The following NYAP2 variants were observed in gnomAD, a reference collection of about 807,000 sequenced individuals.
The protein encoded by NYAP2 is neuronal tyrosine-phosphorylated phosphoinositide-3-kinase adaptor 2.
In NYAP2, 23 loss-of-function variants were observed where a neutral mutation model predicts 50.4. That is an observed-to-expected ratio of 0.46 (90% CI 0.33 to 0.65). The LOEUF (loss-of-function observed/expected upper bound fraction) is 0.65. NYAP2 is among the 30% of genes least tolerant of loss of function. The pLI, the probability that NYAP2 is intolerant of heterozygous loss-of-function variation, is 0.02. For synonymous variants in NYAP2, 394 were observed against 365.2 expected, an observed-to-expected ratio of 1.08 and a Z score of -0.90; for missense variants, 885 against 861.0, an observed-to-expected ratio of 1.03 and a Z score of -0.35.
At chr2:225,539,747 G>C (rs1295618204) in intron 4 of NYAP2, among the ~76,000 whole-genome samples, 2 of 151,712 alleles carry the variant, frequency 1.3e-5, no homozygotes, top group Non-Finnish European at 2.9e-5. Context: ...CTGGATATTA[G>C]TCCTTTGTCA....
chr2:225,442,618 C>T (rs1689488631), intron 3 of NYAP2, among the ~76,000 whole-genome samples: 1 of 151,904 alleles, frequency 6.6e-6, no homozygotes, highest in Non-Finnish European at 1.5e-5. Context: ...GTCTATTGCC[C>T]AGGCTGGAGT....
chr2:225,668,485 T>C, the NYAP2 span, among the ~76,000 whole-genome samples: 2 of 152,188 alleles, frequency 1.3e-5, no homozygotes, highest in African/African-American at 4.8e-5. Flanking sequence ...ATTGAGTATA[T>C]TATGTTTCTT....
At chr2:225,500,772 G>T (rs1293398456) in intron 3 of NYAP2, among the ~76,000 whole-genome samples, 2 of 152,110 alleles carry the variant, frequency 1.3e-5, no homozygotes, top group Non-Finnish European at 2.9e-5. Flanking sequence ...CTGCTAGAAG[G>T]TCAATGAATA....
intron 4 of NYAP2, among the ~76,000 whole-genome samples, chr2:225,535,285 A>G (rs142448341): frequency 2.6e-5 from 4 of 152,300 alleles, no homozygotes; most frequent in African/African-American, 7.2e-5. Context: ...CCCAGAAGAA[A>G]ATGTTTGAAG....
At chr2:225,446,246 C>CTGTCTCTCTCTATATATATA (rs1239402824) in intron 3 of NYAP2, among the ~76,000 whole-genome samples, 1 of 82,282 alleles carries the variant, frequency 1.2e-5, no homozygotes, top group Non-Finnish European at 2.1e-5. Context: ...CTCTCTCTCT[C>CTGTCTCTCTCTATATATATA]TATATATATA....
At chr2:225,600,515 A>G (rs1433043954) in intron 5 of NYAP2, among the ~76,000 whole-genome samples, 45 of 152,288 alleles carry the variant, frequency 3.0e-4, no homozygotes, top group Non-Finnish European at 2.9e-5. Flanking sequence ...TCAACTATAA[A>G]CTAAGTTCCT....
intron 2 of NYAP2, among the ~76,000 whole-genome samples, chr2:225,402,362 GT>G (rs935980990): frequency 1.8e-4 from 27 of 152,136 alleles, no homozygotes; most frequent in African/African-American, 6.0e-4. Flanking sequence ...TGTAGCTCCA[GT>G]CAGCAATTTA....
intron 3 of NYAP2, among the ~76,000 whole-genome samples, chr2:225,418,875 G>T (rs1695168086): frequency 6.6e-6 from 1 of 152,110 alleles, no homozygotes; most frequent in Non-Finnish European, 1.5e-5. Context: ...GAAAGTTTTT[G>T]TTATTGTATG....
chr2:225,558,484 G>A (rs1184171112), intron 4 of NYAP2, among the ~76,000 whole-genome samples: 1 of 152,066 alleles, frequency 6.6e-6, no homozygotes, highest in Non-Finnish European at 1.5e-5. Context: ...GCCCAGCAGC[G>A]ACTGGTCACA....
intron 3 of NYAP2, among the ~76,000 whole-genome samples, chr2:225,442,195 TGAG>T (rs759646280): frequency 1.3e-5 from 2 of 152,040 alleles, no homozygotes; most frequent in Non-Finnish European, 2.9e-5. Flanking sequence ...AGGAGTTAGG[TGAG>T]GAGGAGTAGT....
intron 4 of NYAP2, among the ~76,000 whole-genome samples, chr2:225,530,410 T>A (rs1691232666): frequency 1.3e-5 from 2 of 152,336 alleles, no homozygotes; most frequent in South Asian, 4.1e-4. Context: ...AAATTGAATC[T>A]CGGTTCTCTT....
At chr2:225,615,660 C>T (rs1304985428) in intron 5 of NYAP2, among the ~76,000 whole-genome samples, 1 of 152,134 alleles carries the variant, frequency 6.6e-6, no homozygotes, top group African/African-American at 2.4e-5. Context: ...ATTTAGAACT[C>T]TCACTTTCCT....
chr2:225,694,862 A>G, the NYAP2 span, among the ~76,000 whole-genome samples: 1 of 151,684 alleles, frequency 6.6e-6, no homozygotes, highest in Non-Finnish European at 1.5e-5. Context: ...TGCTTTTTTC[A>G]TGGAAGTTTA....
chr2:225,646,738 C>T (rs1693641815), intron 6 of NYAP2, among the ~76,000 whole-genome samples: 1 of 152,150 alleles, frequency 6.6e-6, no homozygotes, highest in Admixed American at 6.5e-5. Flanking sequence ...TGGGTGACCT[C>T]ATTGTAGAAC....
chr2:225,638,104 A>C (rs907717738), intron 6 of NYAP2, among the ~76,000 whole-genome samples: 2 of 151,858 alleles, frequency 1.3e-5, no homozygotes, highest in Non-Finnish European at 2.9e-5. Flanking sequence ...TATTAGAGAG[A>C]ATTTTAAATA....
the NYAP2 span, among the ~76,000 whole-genome samples, chr2:225,674,394 A>T: frequency 6.6e-6 from 1 of 152,122 alleles, no homozygotes; most frequent in Non-Finnish European, 1.5e-5. Flanking sequence ...ACATCCCTTT[A>T]TCTAGAAGCT....
At chr2:225,466,610 A>G (rs1331811738) in intron 3 of NYAP2, among the ~76,000 whole-genome samples, 4 of 152,264 alleles carry the variant, frequency 2.6e-5, no homozygotes, top group Admixed American at 1.3e-4. Flanking sequence ...AGCACTATAT[A>G]TTTCTAATAA....
chr2:225,517,569 G>GA (rs1184677169), intron 4 of NYAP2, among the ~76,000 whole-genome samples: 1 of 152,104 alleles, frequency 6.6e-6, no homozygotes, highest in Non-Finnish European at 1.5e-5. Flanking sequence ...GTGAATAACG[G>GA]AAAAAATGAT....
At chr2:225,572,566 C>T (rs1692092302) in intron 4 of NYAP2, among the ~76,000 whole-genome samples, 1 of 152,212 alleles carries the variant, frequency 6.6e-6, no homozygotes, top group Non-Finnish European at 1.5e-5. Flanking sequence ...TCAATTACTT[C>T]TCACCGGTTC....
Sources: gnomAD v4.1 joint callset for allele counts (sites outside exome capture counted in the v4.1 genomes callset) on GRCh38, gnomAD v4.1.1 for gene constraint, MANE v1.5 for transcripts, NCBI Gene and HGNC (gene_info 2026-07-23, HGNC 2026-07-21) for gene names.